Variants in TTC5 observed in about 807,000 individuals in gnomAD.
TTC5 encodes the protein tetratricopeptide repeat domain 5, also known as tetratricopeptide repeat protein 5.
Under a neutral mutation model 57.4 loss-of-function variants are expected in TTC5, and 46 were observed. The observed-to-expected ratio is 0.80, with a 90% CI of 0.63 to 1.03. The LOEUF is 1.03. TTC5 is among the 50% of genes least tolerant of loss of function. The probability of loss-of-function intolerance (pLI) is 0.00; values close to 1 mark genes in which losing one functional copy is unlikely to be tolerated. For synonymous variants in TTC5, 190 were observed against 203.5 expected, an observed-to-expected ratio of 0.93 and a Z score of 0.57; for missense variants, 504 against 528.1, an observed-to-expected ratio of 0.95 and a Z score of 0.45.
rs955657974 is a variant in TTC5 at position 20,300,394 on chromosome 14, C to A, written c.396+213G>T. ...GCTAGCTTTTCTTCACTTCCTTTCT[C>A]CCCCTGAACCTGATCCCATCATCAT... On this transcript the variant is annotated intron_variant, in intron 3 of 9. Transcript: ENST00000258821. The A allele has an allele frequency of 1.9e-5, 10 of 524,918 alleles. No individual in the cohort carries two copies. The African/African-American group carries it at 1.9e-4, about 10-fold the overall frequency. 32.5% of individuals were successfully genotyped at this position (524,918 alleles called of 1,614,324 possible). A position where few individuals can be genotyped will look rare whatever the true frequency, so the allele number is the denominator to read the frequency against.
chr14:20,300,848 A>G, intron 2 of TTC5, 30 bp from the exon 3 acceptor site: 4 of 1,550,828 alleles, frequency 2.6e-6, no homozygotes, highest in Non-Finnish European at 3.5e-6. Flanking sequence ...ATAAAGTGGG[A>G]AAAAAACAAG....
chr14:20,290,671 G>C (rs540467247), intron 9 of TTC5, among the ~76,000 whole-genome samples: 82 of 152,202 alleles, frequency 5.4e-4, no homozygotes, highest in Non-Finnish European at 1.0e-3. Context: ...ATACCCTTTG[G>C]ACCCAGGAGT....
At chr14:20,295,921 G>A in intron 6 of TTC5, 67 bp from the exon 7 acceptor site, 5 of 1,430,340 alleles carry the variant, frequency 3.5e-6, no homozygotes, top group Non-Finnish European at 4.7e-6. Context: ...ATGGCACCAT[G>A]GGCTAGGAAT....
intron 8 of TTC5, 114 bp downstream of exon 8, chr14:20,295,198 C>A (rs1882033902): frequency 1.1e-6 from 1 of 924,264 alleles, no homozygotes; most frequent in Non-Finnish European, 1.7e-6. Flanking sequence ...AGAAGGAAAT[C>A]AGAAGTCACA....
rs140725004 is a variant in TTC5 at position 20,289,288 on chromosome 14, T to G, written c.*339A>C. The G allele has an allele frequency of 1.7e-3, 325 of 186,932 alleles. 3 individuals carry two copies. The highest frequency in any genetic ancestry group is 7.0e-3 in the African/African-American group (304 of 43,246). The allele number at this position is 186,932 out of a possible 1,614,324, so 11.6% of individuals were successfully genotyped here. On this transcript the variant is annotated 3_prime_UTR_variant, in exon 10 of 10. Coordinates refer to ENST00000258821, the MANE Select transcript of TTC5 (RefSeq NM_138376.3). ...TAAATACTGAACTGATATATACATA[T>G]GAGGCTTAGGAAGGAGGCAACAACA... is the stretch of plus-strand genomic sequence containing the variant.
intron 2 of TTC5, 21 bp downstream of exon 2, chr14:20,301,812 T>C: frequency 6.2e-7 from 1 of 1,613,444 alleles, no homozygotes; most frequent in South Asian, 1.1e-5. Context: ...ATGGGGGTTG[T>C]ACAATCTCTA....
intron 1 of TTC5, 63 bp from the exon 2 acceptor site, chr14:20,302,028 G>T: frequency 6.3e-7 from 1 of 1,581,170 alleles, no homozygotes; most frequent in South Asian, 1.1e-5. Context: ...ACTTGAAATT[G>T]GCTAGCCATA....
In TTC5 at chr14:20,305,577, CAT is replaced by C. The variant is rs1882273573; in HGVS notation, c.51+308_51+309del. 2.9e-5 allele frequency: 13 copies of C among 447,218 alleles called. No homozygotes were observed. The South Asian group carries it at 4.1e-4, about 14-fold the overall frequency. 27.7% of individuals were successfully genotyped at this position (447,218 alleles called of 1,614,324 possible). On this transcript the variant is annotated intron_variant, in intron 1 of 9. Transcript: ENST00000258821. ...GTAGTTCATGCAGATCTGCCACACA[CAT>C]GTATATGCTATTCGCTATGGATGAA...
chr14:20,289,618 A>G lies in TTC5; in HGVS notation c.*9T>C. 4 of 1,610,134 alleles carry G rather than the reference A, an allele frequency of 2.5e-6. No homozygotes were observed. The highest frequency in any genetic ancestry group is 2.5e-6 in the Non-Finnish European group (3 of 1,177,790). Reference sequence around the variant, plus strand: ...TCCTCCACTCCCTGTTGAGCATGCAAGTCAAAGGTCATTCACACTGTGGTC... The same window carrying G: ...TCCTCCACTCCCTGTTGAGCATGCAGGTCAAAGGTCATTCACACTGTGGTC... On this transcript the variant is annotated 3_prime_UTR_variant, in exon 10 of 10. Coordinates refer to ENST00000258821, the MANE Select transcript of TTC5 (RefSeq NM_138376.3).
chr14:20,291,972 C>A lies in TTC5; in HGVS notation c.1203+11G>T. 6.4e-7 allele frequency: 1 copy of A among 1,558,416 alleles called. No homozygotes were observed. Among genetic ancestry groups the A allele is most frequent in the Non-Finnish European group, 8.7e-7 (1 of 1,154,824 alleles). Reference sequence around the variant, plus strand: ...CCTACGAGTTGTAAGAGAATCCTAGCCATTGCTCACCTTTCCTTTGTGCTG... The same window carrying A: ...CCTACGAGTTGTAAGAGAATCCTAGACATTGCTCACCTTTCCTTTGTGCTG... On this transcript the variant is annotated intron_variant, in intron 9 of 9. Coordinates refer to ENST00000258821, the MANE Select transcript of TTC5 (RefSeq NM_138376.3).
At chr14:20,294,491 G>A (rs1432754822) in intron 8 of TTC5, 3 of 152,196 alleles carry the variant, frequency 2.0e-5, no homozygotes, top group Non-Finnish European at 4.4e-5. Flanking sequence ...TGGGAATTGT[G>A]AATATTTCTG....
At position 20,287,923 on chromosome 14, in the gene TTC5, G is replaced by A. The variant is rs1881871319; in HGVS notation, c.*1704C>T. 6.6e-6 allele frequency: 1 copy of A among 152,166 alleles called. No individual in the cohort carries two copies. The highest frequency in any genetic ancestry group is 2.1e-4 in the South Asian group (1 of 4,814). The allele number at this position is 152,166 out of a possible 1,614,324, so 9.4% of individuals were successfully genotyped here. On this transcript the variant is annotated 3_prime_UTR_variant, in exon 10 of 10. Transcript: ENST00000258821. ...CCAAAACTAATTTAAGACTCCATAT[G>A]TGGTATAACAGACAGTACTTCTAAT...
At chr14:20,301,736 A>G in intron 2 of TTC5, 97 bp downstream of exon 2, 1 of 1,475,994 alleles carries the variant, frequency 6.8e-7, no homozygotes, top group East Asian at 2.3e-5. Context: ...ACCCTATAGC[A>G]GTAACAGATA....
chr14:20,297,643 C>T (rs528306636), intron 5 of TTC5, among the ~76,000 whole-genome samples: 1 of 152,090 alleles, frequency 6.6e-6, no homozygotes, highest in Admixed American at 6.5e-5. Flanking sequence ...TGGTGTGGCA[C>T]GTGCCTGTAA....
At chr14:20,300,157 T>TATATA (rs1566391974) in intron 3 of TTC5, among the ~76,000 whole-genome samples, 3 of 73,800 alleles carry the variant, frequency 4.1e-5, no homozygotes, top group African/African-American at 1.8e-4. Flanking sequence ...ATATATATAT[T>TATATA]TTTTTTTTTT....
chr14:20,302,011 T>G (rs762626866), intron 1 of TTC5, 46 bp from the exon 2 acceptor site: 3 of 1,608,210 alleles, frequency 1.9e-6, no homozygotes, highest in Non-Finnish European at 1.7e-6. Flanking sequence ...GATCACTGGA[T>G]AGGGAAACTT....
In TTC5 at chr14:20,286,256, A is replaced by G. The variant is rs939301058; in HGVS notation, c.*3371T>C. ...ATTTGGATAAATATATTTGAAAAACATAATTTATAATGGATTAGTATCCAG... is the reference window on the plus strand; with the variant it reads ...ATTTGGATAAATATATTTGAAAAACGTAATTTATAATGGATTAGTATCCAG... On this transcript the variant is annotated 3_prime_UTR_variant, in exon 10 of 10. Transcript: ENST00000258821. 4 of 152,230 alleles carry G rather than the reference A, an allele frequency of 2.6e-5. No homozygotes were observed. The highest frequency in any genetic ancestry group is 9.6e-5 in the African/African-American group (4 of 41,476). 9.4% of individuals were successfully genotyped at this position (152,230 alleles called of 1,614,324 possible).
intron 1 of TTC5, 178 bp downstream of exon 1, chr14:20,305,709 G>A: frequency 1.6e-6 from 1 of 635,386 alleles, no homozygotes; most frequent in Non-Finnish European, 2.8e-6. Context: ...GGCAGCAGGA[G>A]GTTCCAACGA....
rs532362634 is a variant in TTC5, at chr14:20,287,847, C to T, written c.*1780G>A. ...AGCCAATTCTCAAGTTATTTTTATA[C>T]CCCACAAGCTCCTAATCACTCTTCT... On this transcript the variant is annotated 3_prime_UTR_variant, in exon 10 of 10. Transcript: ENST00000258821. 8 of 152,312 alleles carry T rather than the reference C, an allele frequency of 5.3e-5. No individual in the cohort carries two copies. Among genetic ancestry groups the T allele is most frequent in the Admixed American group, 4.6e-4 (7 of 15,298 alleles). The allele number at this position is 152,312 out of a possible 1,614,324, so 9.4% of individuals were successfully genotyped here. A position where few individuals can be genotyped will look rare whatever the true frequency, so the allele number is the denominator to read the frequency against.
Sources: allele counts gnomAD v4.1 joint callset (sites outside exome capture counted in the v4.1 genomes callset), GRCh38; gene constraint gnomAD v4.1.1; transcripts MANE v1.5; gene names NCBI Gene and HGNC (gene_info 2026-07-23, HGNC 2026-07-21).